Variants in SCMH1 observed in about 807,000 individuals in gnomAD.
SCMH1 encodes Scm polycomb group protein homolog 1.
Under a neutral mutation model 70.8 loss-of-function variants are expected in SCMH1, and 37 were observed. The ratio of observed to expected loss-of-function variants is 0.52; its 90% CI spans 0.40 to 0.69. The LOEUF (loss-of-function observed/expected upper bound fraction) is 0.69, where lower values mean the gene tolerates loss of function less well. Among genes scored for constraint, SCMH1 ranks in the 30% least tolerant of loss-of-function variants. The pLI, the probability that SCMH1 is intolerant of heterozygous loss-of-function variation, is 0.00. For synonymous variants in SCMH1, 292 were observed against 307.4 expected, an observed-to-expected ratio of 0.95 and a Z score of 0.52; for missense variants, 607 against 827.3, an observed-to-expected ratio of 0.73 and a Z score of 3.27.
At chr1:41,155,984 C>CAAA (rs386366781) in intron 4 of SCMH1, among the ~76,000 whole-genome samples, 6 of 74,626 alleles carry the variant, frequency 8.0e-5, no homozygotes, top group African/African-American at 1.2e-4. Flanking sequence ...GACTCCGTCT[C>CAAA]AAAAAAAAAA....
intron 9 of SCMH1, among the ~76,000 whole-genome samples, chr1:41,073,329 CT>C (rs1657159920): frequency 6.6e-6 from 1 of 152,132 alleles, no homozygotes; most frequent in Non-Finnish European, 1.5e-5. Flanking sequence ...CTGGTTCTAT[CT>C]TTGGAGTCCC....
chr1:41,157,234 CA>C (rs1396515071), intron 4 of SCMH1, among the ~76,000 whole-genome samples: 1 of 152,056 alleles, frequency 6.6e-6, no homozygotes, highest in Non-Finnish European at 1.5e-5. Flanking sequence ...TGTGTTTTAA[CA>C]ATTTCCATAA....
At chr1:41,241,525 CCT>C (rs1663540485) in intron 1 of SCMH1, among the ~76,000 whole-genome samples, 1 of 152,160 alleles carries the variant, frequency 6.6e-6, no homozygotes, top group Non-Finnish European at 1.5e-5. Context: ...GCCCCGTCGA[CCT>C]CTGTCTCTGC....
intron 2 of SCMH1, among the ~76,000 whole-genome samples, chr1:41,177,102 C>T (rs941524458): frequency 6.6e-6 from 1 of 152,200 alleles, no homozygotes; most frequent in African/African-American, 2.4e-5. Flanking sequence ...TGTTCTGCAG[C>T]CTCCGCTGCT....
intron 1 of SCMH1, among the ~76,000 whole-genome samples, chr1:41,194,684 G>A (rs929606183): frequency 6.6e-6 from 1 of 152,166 alleles, no homozygotes; most frequent in Non-Finnish European, 1.5e-5. Context: ...AATTTACTGT[G>A]AGAAATATAA....
chr1:41,079,342 C>T (rs1378274492), intron 8 of SCMH1, among the ~76,000 whole-genome samples: 1 of 130,936 alleles, frequency 7.6e-6, no homozygotes, highest in African/African-American at 3.4e-5. Context: ...ATGAACAAAC[C>T]AGACCAAAAA....
Position 41,157,546 on chromosome 1 carries a change from G to C in SCMH1, c.106+3329C>G, listed in dbSNP as rs768580500. Among the ~76,000 whole-genome samples the C allele has an allele frequency of 5.1e-4, 78 of 152,188 alleles. 1 individual carries two copies. Among genetic ancestry groups the C allele is most frequent in the Non-Finnish European group, 9.3e-4 (63 of 68,028 alleles). The stretch of plus-strand genomic sequence containing the variant: ...CACAGACTTTCAGGCAACAGAAAGA[G>C]AGCCTTAGATAAGGCAGAGAAATCA... On this transcript the variant is annotated intron_variant, in intron 4 of 14. Transcript: ENST00000337495.
intron 1 of SCMH1, among the ~76,000 whole-genome samples, chr1:41,227,747 C>T (rs1250839970): frequency 1.3e-5 from 2 of 152,000 alleles, no homozygotes; most frequent in African/African-American, 2.4e-5. Context: ...TTTGGGAAGC[C>T]GAGGCGGGCA....
chr1:41,041,729 G>C (rs7553037), intron 12 of SCMH1, among the ~76,000 whole-genome samples: 11 of 152,134 alleles, frequency 7.2e-5, no homozygotes, highest in Non-Finnish European at 1.6e-4. Context: ...CTTGGGATTT[G>C]GGCAGGAGAA....
intron 6 of SCMH1, among the ~76,000 whole-genome samples, chr1:41,136,747 G>A (rs1643399458): frequency 6.8e-6 from 1 of 147,646 alleles, no homozygotes; most frequent in Non-Finnish European, 1.5e-5. Flanking sequence ...CTATTTCATG[G>A]ACATTTTTTC....
At chr1:41,226,063 A>T (rs1051849857) in intron 1 of SCMH1, among the ~76,000 whole-genome samples, 5 of 152,196 alleles carry the variant, frequency 3.3e-5, no homozygotes, top group Non-Finnish European at 5.9e-5. Context: ...CATAAGCAAA[A>T]TGTTTGTTAC....
At position 41,142,874 on chromosome 1, in the gene SCMH1, TC is replaced by T; in HGVS notation, c.412+3del. The T allele has an allele frequency of 6.2e-7, 1 of 1,610,420 alleles. No homozygotes were observed. Among genetic ancestry groups the T allele is most frequent in the Middle Eastern group, 1.7e-4 (1 of 6,058 alleles). ...CTAGAAAGAGTTTGGGTTTACTTAC[TC>T]ACCAAGAGGTGGCTGTAGCATACCC... On this transcript the variant is annotated splice_donor_region_variant and intron_variant, in intron 6 of 14. Coordinates refer to ENST00000337495, the Ensembl canonical transcript of SCMH1.
intron 1 of SCMH1, among the ~76,000 whole-genome samples, chr1:41,192,526 C>G (rs991323877): frequency 9.4e-6 from 1 of 106,430 alleles, no homozygotes; most frequent in Admixed American, 9.9e-5. Context: ...ACACACACAC[C>G]ACTTAGAACA....
chr1:41,104,111 C>T (rs568683646), intron 8 of SCMH1, among the ~76,000 whole-genome samples: 9 of 152,260 alleles, frequency 5.9e-5, no homozygotes, highest in South Asian at 4.1e-4. Context: ...ATGCAACTAA[C>T]GCACAGTGGG....
chr1:41,050,689 A>C (rs1271824157), intron 10 of SCMH1, among the ~76,000 whole-genome samples: 2 of 152,336 alleles, frequency 1.3e-5, no homozygotes, highest in East Asian at 3.9e-4. Flanking sequence ...AGATGACAAT[A>C]AGATTAGGAA....
At chr1:41,179,298 T>G (rs1344309727) in intron 2 of SCMH1, among the ~76,000 whole-genome samples, 2 of 148,612 alleles carry the variant, frequency 1.3e-5, no homozygotes, top group Non-Finnish European at 3.0e-5. Context: ...GATCCAAAAT[T>G]AAAAGAACTA....
At chr1:41,230,786 G>C (rs903110567) in intron 1 of SCMH1, among the ~76,000 whole-genome samples, 7 of 152,100 alleles carry the variant, frequency 4.6e-5, no homozygotes, top group Non-Finnish European at 8.8e-5. Context: ...AGAGCTTTTA[G>C]AAAATATTAA....
chr1:41,038,758 A>G (rs943878377), intron 12 of SCMH1, among the ~76,000 whole-genome samples: 4 of 152,194 alleles, frequency 2.6e-5, no homozygotes, highest in African/African-American at 9.7e-5. Flanking sequence ...CCTTCTGCAG[A>G]TGAGGGTTCT....
At chr1:41,241,405 G>C (rs182050877) in intron 1 of SCMH1, among the ~76,000 whole-genome samples, 20 of 152,286 alleles carry the variant, frequency 1.3e-4, no homozygotes, top group Non-Finnish European at 2.1e-4. Context: ...GTTTCCGGCG[G>C]GGCACTGGGG....
Sources: allele counts gnomAD v4.1 joint callset (sites outside exome capture counted in the v4.1 genomes callset), GRCh38; gene constraint gnomAD v4.1.1; transcripts MANE v1.5; gene names NCBI Gene and HGNC (gene_info 2026-07-23, HGNC 2026-07-21).